FBN1: variants seen among roughly 807,000 people sequenced by gnomAD.
FBN1 encodes the protein fibrillin-1.
A neutral mutation model predicts 365.1 loss-of-function variants in FBN1; 29 were observed. The ratio of observed to expected loss-of-function variants is 0.08; its 90% CI spans 0.06 to 0.11. The LOEUF (loss-of-function observed/expected upper bound fraction) is 0.11. Ranked by LOEUF, FBN1 falls within the 10% of genes least tolerant of loss-of-function variation. The pLI is 1.00. For missense variants in FBN1, 2,476 were observed against 3,703.2 expected, an observed-to-expected ratio of 0.67 and a Z score of 8.60; for synonymous variants, 1,210 against 1,270.5, an observed-to-expected ratio of 0.95 and a Z score of 1.01.
At chr15:48,433,980 C>T (rs2043043398) in intron 54 of FBN1, among the ~76,000 whole-genome samples, 1 of 152,172 alleles carries the variant, frequency 6.6e-6, no homozygotes, top group Non-Finnish European at 1.5e-5. Flanking sequence ...GATGAGGCCT[C>T]ACAATGTGCA....
At chr15:48,468,327 C>T in intron 37 of FBN1, 85 bp downstream of exon 37, 2 of 1,554,104 alleles carry the variant, frequency 1.3e-6, no homozygotes, top group Non-Finnish European at 1.8e-6. Flanking sequence ...ATTCATTTTG[C>T]AAACTTTGAG....
intron 6 of FBN1, among the ~76,000 whole-genome samples, chr15:48,568,164 G>C (rs1448524843): frequency 1.7e-5 from 2 of 115,822 alleles, no homozygotes; most frequent in East Asian, 5.2e-4. Context: ...AAAAAGTCCA[G>C]AAAAGTCACA....
At chr15:48,527,053 C>T (rs909512690) in intron 8 of FBN1, among the ~76,000 whole-genome samples, 39 of 152,354 alleles carry the variant, frequency 2.6e-4, no homozygotes, top group Admixed American at 9.1e-4. Context: ...AAGGCCCCTC[C>T]GATTCCCCAA....
At chr15:48,540,751 C>T (rs1000130553) in intron 6 of FBN1, among the ~76,000 whole-genome samples, 3 of 152,074 alleles carry the variant, frequency 2.0e-5, no homozygotes, top group Non-Finnish European at 2.9e-5. Context: ...AGAATTTAGG[C>T]TTGTTTCTTT....
Position 48,421,762 on chromosome 15 carries a change from A to T in FBN1, c.7571-76T>A, listed in dbSNP as rs73390302. On this transcript the variant is annotated intron_variant, in intron 61 of 65. Coordinates refer to ENST00000316623, the MANE Select transcript of FBN1 (RefSeq NM_000138.5). The stretch of plus-strand genomic sequence containing the variant: ...TTTGTATCATTTAAAAGAAAATTAG[A>T]AGGATAACTCGGAAAAGGCCAAATA... The T allele has an allele frequency of 6.8e-3, 10,575 of 1,555,890 alleles. 264 individuals are homozygous for T. In the African/African-American group the frequency reaches 0.081, roughly 12 times the overall value.
chr15:48,568,049 G>GAAGAAAGAAGAAAGAAAGAAAGAAAGA (rs2044273080), intron 6 of FBN1, among the ~76,000 whole-genome samples: 9 of 40,132 alleles, frequency 2.2e-4, no homozygotes, highest in African/African-American at 1.2e-3. Flanking sequence ...AAGAAAGAAA[G>GAAGAAAGAAGAAAGAAAGAAAGAAAGA]AAGAAAGAAA....
At chr15:48,431,093 T>C (rs2043019967) in intron 55 of FBN1, among the ~76,000 whole-genome samples, 1 of 151,996 alleles carries the variant, frequency 6.6e-6, no homozygotes, top group Non-Finnish European at 1.5e-5. Context: ...TTTATTTATT[T>C]TTATTTTTAT....
rs533522969 is a variant in FBN1, at chr15:48,410,536, G to A, written c.*454C>T. The A allele has an allele frequency of 1.1e-5, 2 of 179,736 alleles. No homozygotes were observed. Among genetic ancestry groups the A allele is most frequent in the African/African-American group, 2.4e-5 (1 of 41,812 alleles). 11.1% of individuals were successfully genotyped at this position (179,736 alleles called of 1,614,324 possible). On this transcript the variant is annotated 3_prime_UTR_variant, in exon 66 of 66. Transcript: ENST00000316623. ...GTTTCTAAGTTGTGTACATATTACA[G>A]TGCATTTATAAATCTAGTTTGAAAA...
At chr15:48,522,147 C>T (rs2043863048) in intron 9 of FBN1, among the ~76,000 whole-genome samples, 2 of 152,206 alleles carry the variant, frequency 1.3e-5, no homozygotes. Flanking sequence ...TGTCTCCCAT[C>T]ACCCTCAGAT....
intron 25 of FBN1, 137 bp downstream of exon 25, chr15:48,489,714 C>T (rs570256680): frequency 1.3e-6 from 1 of 763,992 alleles, no homozygotes; most frequent in African/African-American, 1.8e-5. Flanking sequence ...TCATACTTTT[C>T]TAAACAAAGA....
intron 6 of FBN1, among the ~76,000 whole-genome samples, chr15:48,555,204 C>A (rs114068762): frequency 2.6e-5 from 4 of 152,240 alleles, no homozygotes; most frequent in Non-Finnish European, 4.4e-5. Flanking sequence ...CTGTCCCAGC[C>A]CTGAAAATCT....
At chr15:48,569,045 T>G (rs1173072101) in intron 6 of FBN1, among the ~76,000 whole-genome samples, 1 of 151,970 alleles carries the variant, frequency 6.6e-6, no homozygotes, top group East Asian at 1.9e-4. Context: ...TTACGAAAAT[T>G]AAAAAGACAA....
At chr15:48,451,473 G>A (rs996862306) in intron 45 of FBN1, among the ~76,000 whole-genome samples, 2 of 152,060 alleles carry the variant, frequency 1.3e-5, no homozygotes, top group African/African-American at 4.8e-5. Flanking sequence ...TTCTCAATGC[G>A]ATTTTTTTGT....
intron 6 of FBN1, among the ~76,000 whole-genome samples, chr15:48,569,573 T>C (rs1597610690): frequency 6.6e-6 from 1 of 152,244 alleles, no homozygotes; most frequent in South Asian, 2.1e-4. Flanking sequence ...AATCAAAATG[T>C]CCATCAGCTG....
At chr15:48,534,002 G>C in intron 8 of FBN1, 78 bp downstream of exon 8, 6 of 1,578,942 alleles carry the variant, frequency 3.8e-6, no homozygotes, top group Non-Finnish European at 5.2e-6. Flanking sequence ...GGAATAATTT[G>C]CAAACAAGCT....
intron 43 of FBN1, 104 bp downstream of exon 43, chr15:48,460,142 T>G: frequency 1.2e-6 from 1 of 800,232 alleles, no homozygotes; most frequent in African/African-American, 1.7e-5. Context: ...TGAAAGGCAT[T>G]GTTTAATATT....
At chr15:48,431,659 A>G (rs2043023596) in intron 55 of FBN1, among the ~76,000 whole-genome samples, 2 of 151,772 alleles carry the variant, frequency 1.3e-5, no homozygotes, top group South Asian at 4.2e-4. Flanking sequence ...ATAATATGAT[A>G]TTATTATTTT....
At chr15:48,610,483 G>A (rs944212425) in intron 4 of FBN1, among the ~76,000 whole-genome samples, 2 of 152,086 alleles carry the variant, frequency 1.3e-5, no homozygotes, top group African/African-American at 4.8e-5. Flanking sequence ...TACATAAAAG[G>A]CCATAAGCTT....
chr15:48,562,604 ATT>A (rs2044231306), intron 6 of FBN1, among the ~76,000 whole-genome samples: 1 of 152,158 alleles, frequency 6.6e-6, no homozygotes, highest in South Asian at 2.1e-4. Context: ...AAGTATTTTC[ATT>A]TTCAAGGACA....
Sources: allele counts gnomAD v4.1 joint callset (sites outside exome capture counted in the v4.1 genomes callset), GRCh38; gene constraint gnomAD v4.1.1; transcripts MANE v1.5; gene names NCBI Gene and HGNC (gene_info 2026-07-23, HGNC 2026-07-21).